SMAD9: variants seen among roughly 807,000 people sequenced by gnomAD.
SMAD9 encodes MAD homolog 9.
Under a neutral mutation model 46.1 loss-of-function variants are expected in SMAD9, and 36 were observed. The observed-to-expected ratio is 0.78, with a 90% CI of 0.60 to 1.03. The LOEUF is 1.03. Among genes scored for constraint, SMAD9 ranks in the 50% least tolerant of loss-of-function variants. SMAD9 has a pLI of 0.00. For missense variants in SMAD9, 572 were observed against 599.8 expected, an observed-to-expected ratio of 0.95 and a Z score of 0.48; for synonymous variants, 245 against 237.1, an observed-to-expected ratio of 1.03 and a Z score of -0.31.
chr13:36,912,103 T>C (rs1010822022), intron 1 of SMAD9, among the ~76,000 whole-genome samples: 1 of 152,226 alleles, frequency 6.6e-6, no homozygotes, highest in Non-Finnish European at 1.5e-5. Context: ...TTTAAAAGCA[T>C]GCAAACCACT....
chr13:36,907,097 C>A (rs193095559), intron 1 of SMAD9, among the ~76,000 whole-genome samples: 1 of 152,084 alleles, frequency 6.6e-6, no homozygotes, highest in African/African-American at 2.4e-5. Context: ...TGTGGATGAA[C>A]CTTCAAAAGA....
intron 1 of SMAD9, among the ~76,000 whole-genome samples, chr13:36,909,895 C>T (rs2058646653): frequency 6.6e-6 from 1 of 152,078 alleles, no homozygotes; most frequent in Non-Finnish European, 1.5e-5. Flanking sequence ...TTAAGAGGTG[C>T]CCCAAAAATT....
intron 6 of SMAD9, among the ~76,000 whole-genome samples, 170 bp downstream of exon 6, chr13:36,853,249 C>A (rs1313908194): frequency 6.6e-6 from 1 of 152,122 alleles, no homozygotes; most frequent in Admixed American, 6.5e-5. Context: ...CATGCCACTG[C>A]ACTCCAGCCT....
At chr13:36,888,692 G>A (rs1480768799) in intron 1 of SMAD9, among the ~76,000 whole-genome samples, 1 of 152,042 alleles carries the variant, frequency 6.6e-6, no homozygotes, top group Non-Finnish European at 1.5e-5. Context: ...CTCTCAAGTG[G>A]GAAAAAACAA....
intron 1 of SMAD9, among the ~76,000 whole-genome samples, chr13:36,887,214 CTTTTTTTTTTT>C (rs34299786): frequency 1.5e-5 from 1 of 65,564 alleles, no homozygotes; most frequent in African/African-American, 7.2e-5. Flanking sequence ...CTGACTAGAT[CTTTTTTTTTTT>C]TTTTTTTTTT....
chr13:36,858,507 G>T (rs1227465546), intron 5 of SMAD9, among the ~76,000 whole-genome samples: 1 of 152,172 alleles, frequency 6.6e-6, no homozygotes, highest in Non-Finnish European at 1.5e-5. Context: ...AGTTTCTCAG[G>T]ACAACATGAT....
chr13:36,913,649 C>T (rs112773945), intron 1 of SMAD9, among the ~76,000 whole-genome samples: 31 of 152,308 alleles, frequency 2.0e-4, no homozygotes, highest in African/African-American at 7.2e-4. Context: ...ACAGCCAACA[C>T]CTAATGACTG....
chr13:36,865,741 A>G lies in SMAD9; in HGVS notation c.799T>C (p.Tyr267His). The change falls in exon 5 of 7, where the codon TAC becomes CAC. Residue 267 changes from tyrosine to histidine, a missense_variant. Coordinates refer to ENST00000379826, the MANE Select transcript of SMAD9 (RefSeq NM_001127217.3). ...GAGCACCAGTGCTGGGGCTCCTCGT[A>G]ACAAACTGGTCGAAAGTCTGGAAGA... ...IPNGDFRPVC[Y>H]EEPQHWCSVA... 1 of 1,614,074 alleles carries G rather than the reference A, an allele frequency of 6.2e-7. No homozygotes were observed. Among genetic ancestry groups the G allele is most frequent in the South Asian group, 1.1e-5 (1 of 91,076 alleles).
At chr13:36,864,319 T>G (rs76681818) in intron 5 of SMAD9, among the ~76,000 whole-genome samples, 4,725 of 152,272 alleles carry the variant, frequency 0.031, 280 homozygotes, top group African/African-American at 0.11. Flanking sequence ...GCTCTCTGTG[T>G]CAGAGACGTT....
At position 36,920,184 on chromosome 13, in the gene SMAD9, A is replaced by AGCGGCGGCGGCGGCG. The variant is rs886050176; in HGVS notation, c.-256_-255insCGCCGCCGCCGCCGC. On this transcript the variant is annotated 5_prime_UTR_variant, in exon 1 of 7. Coordinates refer to ENST00000379826, the MANE Select transcript of SMAD9 (RefSeq NM_001127217.3). ...CGGCGGGGACCGAGACAGCGGCTGC[A>AGCGGCGGCGGCGGCG]GCAGCGGCGGCGGCGGCGGCGGCGG... The AGCGGCGGCGGCGGCG allele has an allele frequency of 4.1e-5, 3 of 72,814 alleles. No individual in the cohort carries two copies. The highest frequency in any genetic ancestry group is 9.5e-5 in the African/African-American group (3 of 31,502). 4.5% of individuals were successfully genotyped at this position (72,814 alleles called of 1,614,324 possible). A position where few individuals can be genotyped will look rare whatever the true frequency, so the allele number is the denominator to read the frequency against.
intron 1 of SMAD9, among the ~76,000 whole-genome samples, chr13:36,909,654 G>A (rs2058644813): frequency 6.6e-6 from 1 of 152,182 alleles, no homozygotes; most frequent in Admixed American, 6.5e-5. Flanking sequence ...AATGGAGGAA[G>A]AAGACTCCAG....
chr13:36,895,572 T>A (rs576727199), intron 1 of SMAD9, among the ~76,000 whole-genome samples: 2 of 152,230 alleles, frequency 1.3e-5, no homozygotes, highest in Non-Finnish European at 2.9e-5. Flanking sequence ...TGATATAGCA[T>A]AAATCCTGAT....
Position 36,853,425 on chromosome 13 carries a change from A to C in SMAD9, c.1254T>G (p.Phe418Leu), listed in dbSNP as rs1566012470. The C allele has an allele frequency of 6.2e-7, 1 of 1,614,050 alleles. No homozygotes were observed. The highest frequency in any genetic ancestry group is 8.5e-7 in the Non-Finnish European group (1 of 1,180,042). ...LTKMCTIRMS[F>L]VKGWGAEYHR... ...GATAGCAAGCACTCCTTACCTTAAC[A>C]AAACTCATCCGGATAGTACACATCT... The change falls in exon 6 of 7, where the codon TTT becomes TTG. Residue 418 changes from phenylalanine (F) to leucine (L), a missense_variant. By Grantham distance (22) the Phe-to-Leu change is conservative. Coordinates refer to ENST00000379826, the MANE Select transcript of SMAD9 (RefSeq NM_001127217.3).
chr13:36,915,418 C>T (rs12427732), intron 1 of SMAD9, among the ~76,000 whole-genome samples: 25,420 of 151,950 alleles, frequency 0.17, 2,579 homozygotes, highest in East Asian at 0.31. Context: ...TATAGTCCCT[C>T]AGAATTAAAT....
In SMAD9 at chr13:36,909,993, CGA is replaced by C. The variant is rs570393465; in HGVS notation, c.-187+10121_-187+10122del. Among the ~76,000 whole-genome samples, 326 of 152,068 alleles carry C rather than the reference CGA, an allele frequency of 2.1e-3. 1 individual carries two copies. The highest frequency in any genetic ancestry group is 7.6e-3 in the African/African-American group (316 of 41,490). On this transcript the variant is annotated intron_variant, in intron 1 of 6. Coordinates refer to ENST00000379826, the MANE Select transcript of SMAD9 (RefSeq NM_001127217.3). Reference sequence around the variant, plus strand: ...CGGGTGGATCACGAGGTCAGGAGATCGAGACCATCCTGGCTAACACGGTGAAA... The same window carrying C: ...CGGGTGGATCACGAGGTCAGGAGATCGACCATCCTGGCTAACACGGTGAAA...
intron 5 of SMAD9, among the ~76,000 whole-genome samples, chr13:36,863,231 A>T (rs2058200195): frequency 6.6e-6 from 1 of 152,154 alleles, no homozygotes; most frequent in South Asian, 2.1e-4. Context: ...CCCTTGCTTT[A>T]AAATCTCCCA....
rs1405521106 is a variant in SMAD9 at position 36,845,938 on chromosome 13, G to T, written c.*2738C>A. On this transcript the variant is annotated 3_prime_UTR_variant, in exon 7 of 7. Coordinates refer to ENST00000379826, the MANE Select transcript of SMAD9 (RefSeq NM_001127217.3). ...TATTGTGTTCTGGCTTCCCAAAGCTGCAGGGAAATACAAGTTTTTTGTTTC... is the reference window on the plus strand; with the variant it reads ...TATTGTGTTCTGGCTTCCCAAAGCTTCAGGGAAATACAAGTTTTTTGTTTC... 1.1e-4 allele frequency: 16 copies of T among 152,072 alleles called. No individual in the cohort carries two copies. The highest frequency in any genetic ancestry group is 8.5e-4 in the Admixed American group (13 of 15,282). The allele number at this position is 152,072 out of a possible 1,614,324, so 9.4% of individuals were successfully genotyped here. A position where few individuals can be genotyped will look rare whatever the true frequency, so the allele number is the denominator to read the frequency against.
chr13:36,864,567 G>A (rs1040534170), intron 5 of SMAD9, among the ~76,000 whole-genome samples: 2 of 152,070 alleles, frequency 1.3e-5, no homozygotes, highest in South Asian at 2.1e-4. Flanking sequence ...ATGGTTTCTC[G>A]TAAGTGGCCT....
In SMAD9 at chr13:36,853,689, A is replaced by C; in HGVS notation, c.1004-14T>G. 2 of 1,613,750 alleles carry C rather than the reference A, an allele frequency of 1.2e-6. No individual in the cohort carries two copies. The highest frequency in any genetic ancestry group is 1.7e-6 in the Non-Finnish European group (2 of 1,179,994). On this transcript the variant is annotated splice_polypyrimidine_tract_variant and intron_variant, in intron 5 of 6. Transcript: ENST00000379826. ...ACAAGTGCACACCTGCAGACACAAA[A>C]ACACAGCCTTCCTTCACATGCCCTT...
Sources: allele counts gnomAD v4.1 joint callset (sites outside exome capture counted in the v4.1 genomes callset), GRCh38; gene constraint gnomAD v4.1.1; transcripts MANE v1.5; gene names NCBI Gene and HGNC (gene_info 2026-07-23, HGNC 2026-07-21).